The following PTPRM variants were observed in gnomAD, a reference collection of about 807,000 sequenced individuals.
PTPRM encodes the protein protein tyrosine phosphatase receptor type M, also known as receptor-type tyrosine-protein phosphatase mu.
A neutral mutation model predicts 186.7 loss-of-function variants in PTPRM; 47 were observed. The observed-to-expected ratio is 0.25, with a 90% CI of 0.20 to 0.32. PTPRM has a LOEUF of 0.32. PTPRM is among the 10% of genes least tolerant of loss of function. PTPRM has a pLI of 1.00. For missense variants in PTPRM, 1,494 were observed against 1,865.0 expected, an observed-to-expected ratio of 0.80 and a Z score of 3.66; for synonymous variants, 668 against 674.9, an observed-to-expected ratio of 0.99 and a Z score of 0.16.
chr18:7,676,651 GTGTGTGTGTGTA>G (rs1200202089), intron 1 of PTPRM, among the ~76,000 whole-genome samples: 278 of 137,460 alleles, frequency 2.0e-3, no homozygotes, highest in African/African-American at 8.5e-3. Context: ...GTGTGTGTGT[GTGTGTGTGTGTA>G]TGTGTGTGTG....
intron 2 of PTPRM, among the ~76,000 whole-genome samples, chr18:7,803,809 A>G (rs144550793): frequency 6.6e-6 from 1 of 152,272 alleles, no homozygotes; most frequent in African/African-American, 2.4e-5. Context: ...GAGGCTCTTC[A>G]CGGACAACAC....
chr18:7,818,770 C>T (rs563458934), intron 2 of PTPRM, among the ~76,000 whole-genome samples: 34 of 152,306 alleles, frequency 2.2e-4, no homozygotes, highest in African/African-American at 8.2e-4. Flanking sequence ...CTTAGTGTTA[C>T]TGGTGGAGCA....
At chr18:8,038,477 C>T (rs2086483106) in intron 7 of PTPRM, among the ~76,000 whole-genome samples, 1 of 151,394 alleles carries the variant, frequency 6.6e-6, no homozygotes, top group Admixed American at 6.6e-5. Flanking sequence ...ATGCAACCTC[C>T]ACTTCCTGGG....
intron 7 of PTPRM, among the ~76,000 whole-genome samples, chr18:7,993,642 C>G (rs1023943122): frequency 6.6e-6 from 1 of 151,960 alleles, no homozygotes; most frequent in African/African-American, 2.4e-5. Context: ...TCCTTCAGAA[C>G]GTAAGGAGAT....
At chr18:7,613,382 T>A (rs893840906) in intron 1 of PTPRM, among the ~76,000 whole-genome samples, 1 of 152,134 alleles carries the variant, frequency 6.6e-6, no homozygotes, top group Admixed American at 6.6e-5. Context: ...TTGAAATAAA[T>A]TGAAAATACC....
At chr18:8,032,013 G>C (rs1201504739) in intron 7 of PTPRM, among the ~76,000 whole-genome samples, 1 of 152,106 alleles carries the variant, frequency 6.6e-6, no homozygotes, top group Non-Finnish European at 1.5e-5. Context: ...AATAAATTAG[G>C]GGAAAAATAA....
At chr18:7,826,345 C>T (rs981960158) in intron 2 of PTPRM, among the ~76,000 whole-genome samples, 4 of 152,180 alleles carry the variant, frequency 2.6e-5, no homozygotes, top group Non-Finnish European at 5.9e-5. Flanking sequence ...ATTAACATGC[C>T]TTTCTAGGGC....
At chr18:7,621,240 T>G (rs1287369099) in intron 1 of PTPRM, among the ~76,000 whole-genome samples, 1 of 152,194 alleles carries the variant, frequency 6.6e-6, no homozygotes, top group Non-Finnish European at 1.5e-5. Context: ...AACTGGGATT[T>G]GAACCCAGAC....
At chr18:7,610,955 C>T (rs181953081) in intron 1 of PTPRM, among the ~76,000 whole-genome samples, 69 of 152,246 alleles carry the variant, frequency 4.5e-4, no homozygotes, top group African/African-American at 1.7e-3. Flanking sequence ...ATTATGGCCC[C>T]TGAAGACCTT....
chr18:7,644,364 C>G (rs946441677), intron 1 of PTPRM, among the ~76,000 whole-genome samples: 1 of 152,066 alleles, frequency 6.6e-6, no homozygotes, highest in African/African-American at 2.4e-5. Context: ...ACTAATAATT[C>G]TCTATTACCT....
intron 2 of PTPRM, among the ~76,000 whole-genome samples, chr18:7,817,059 C>T (rs549834680): frequency 1.3e-5 from 2 of 150,552 alleles, no homozygotes; most frequent in East Asian, 3.9e-4. Flanking sequence ...ACTGCAACCT[C>T]TGCCTCGTGG....
intron 2 of PTPRM, among the ~76,000 whole-genome samples, chr18:7,872,237 A>G (rs920989567): frequency 2.0e-5 from 3 of 152,180 alleles, no homozygotes; most frequent in South Asian, 4.1e-4. Flanking sequence ...CATTTTGGAC[A>G]CCATCAGCTC....
intron 2 of PTPRM, among the ~76,000 whole-genome samples, chr18:7,884,951 A>G (rs561376151): frequency 2.3e-4 from 33 of 146,306 alleles, no homozygotes; most frequent in South Asian, 6.6e-4. Flanking sequence ...AAAAAAAAAA[A>G]GGAGAGAGAG....
At chr18:8,271,430 A>G (rs2094769839) in intron 19 of PTPRM, among the ~76,000 whole-genome samples, 2 of 152,046 alleles carry the variant, frequency 1.3e-5, no homozygotes, top group South Asian at 2.1e-4. Flanking sequence ...TTAACTGATC[A>G]TTTTTCATTC....
intron 2 of PTPRM, among the ~76,000 whole-genome samples, chr18:7,783,195 G>T (rs918936489): frequency 6.6e-6 from 1 of 152,150 alleles, no homozygotes; most frequent in Non-Finnish European, 1.5e-5. Context: ...TGGGAGAGGT[G>T]AGGACTAAGG....
chr18:7,859,576 G>A (rs190299905), intron 2 of PTPRM, among the ~76,000 whole-genome samples: 7 of 152,332 alleles, frequency 4.6e-5, no homozygotes, highest in Non-Finnish European at 7.3e-5. Flanking sequence ...GCCCAAGTAT[G>A]CCCACTGGAG....
intron 19 of PTPRM, among the ~76,000 whole-genome samples, chr18:8,255,512 T>C (rs913767236): frequency 1.3e-5 from 2 of 152,180 alleles, no homozygotes; most frequent in Non-Finnish European, 2.9e-5. Context: ...CAAAATAAAG[T>C]GTTGTATTCA....
intron 23 of PTPRM, among the ~76,000 whole-genome samples, chr18:8,363,353 C>T (rs985767627): frequency 3.9e-5 from 6 of 152,144 alleles, no homozygotes; most frequent in Admixed American, 6.5e-5. Flanking sequence ...AGGGCCAGAA[C>T]GGTTCTGTGA....
intron 22 of PTPRM, among the ~76,000 whole-genome samples, chr18:8,325,527 T>C (rs748653416): frequency 6.6e-6 from 1 of 152,258 alleles, no homozygotes; most frequent in Non-Finnish European, 1.5e-5. Context: ...TAGTATTCCA[T>C]GGTATATTTG....
Sources: gnomAD v4.1 joint callset for allele counts (sites outside exome capture counted in the v4.1 genomes callset) on GRCh38, gnomAD v4.1.1 for gene constraint, MANE v1.5 for transcripts, NCBI Gene and HGNC (gene_info 2026-07-23, HGNC 2026-07-21) for gene names.